The following ADAM28 variants were observed in gnomAD, a reference collection of about 807,000 sequenced individuals.
ADAM28 encodes disintegrin and metalloproteinase domain-containing protein 28.
Under a neutral mutation model 101.2 loss-of-function variants are expected in ADAM28, and 105 were observed. The ratio of observed to expected loss-of-function variants is 1.04; its 90% confidence interval spans 0.89 to 1.22. The LOEUF (loss-of-function observed/expected upper bound fraction) is 1.22, where lower values mean the gene tolerates loss of function less well. ADAM28 is among the 50% of genes most tolerant of loss of function. ADAM28 has a pLI of 0.00. For missense variants in ADAM28, 1,028 were observed against 945.4 expected (o/e 1.09, Z -1.15); for synonymous variants, 322 against 310.6 (o/e 1.04, Z -0.39).
At chr8:24,338,969 G>GT (rs1352842053) in intron 14 of ADAM28, among the ~76,000 whole-genome samples, 3 of 151,754 alleles carry the variant, frequency 2.0e-5, no homozygotes, top group Non-Finnish European at 4.4e-5. Flanking sequence ...TATATAATGT[G>GT]TATATATATA....
chr8:24,334,768 C>A (rs1306351213), intron 13 of ADAM28, among the ~76,000 whole-genome samples: 1 of 152,166 alleles, frequency 6.6e-6, no homozygotes, highest in Admixed American at 6.5e-5. Context: ...AACAAACAAA[C>A]ATACTTTCTC....
At chr8:24,336,251 AAG>A (rs1359311311) in intron 14 of ADAM28, 1 of 857,332 alleles carries the variant, frequency 1.2e-6, no homozygotes, top group Non-Finnish European at 1.4e-6. Flanking sequence ...TAAAAGTTTA[AAG>A]AGATATCCGA....
intron 6 of ADAM28, among the ~76,000 whole-genome samples, chr8:24,316,798 G>T (rs1462561568): frequency 1.3e-5 from 2 of 152,052 alleles, no homozygotes; most frequent in African/African-American, 2.4e-5. Context: ...CAGATGAAAT[G>T]ATTCTACCTG....
intron 15 of ADAM28, 64 bp downstream of exon 15, chr8:24,339,632 A>G (rs777452774): frequency 2.3e-5 from 31 of 1,348,634 alleles, no homozygotes; most frequent in Non-Finnish European, 3.2e-5. Flanking sequence ...TTCCAGCTAC[A>G]CATTCTGATT....
chr8:24,295,897 T>C (rs1363810399), intron 1 of ADAM28: 1 of 152,286 alleles, frequency 6.6e-6, no homozygotes, highest in East Asian at 1.9e-4. Context: ...TCCTGTTTGT[T>C]CTCTGCCCCC....
At chr8:24,308,583 G>A (rs41423147) in intron 2 of ADAM28, 71,998 of 455,626 alleles carry the variant, frequency 0.16, 6,219 homozygotes, top group East Asian at 0.33. Context: ...ATCCTGAACA[G>A]TAAGAGGTTA....
At chr8:24,320,749 TCTA>T (rs1216030467) in intron 7 of ADAM28, among the ~76,000 whole-genome samples, 1 of 152,012 alleles carries the variant, frequency 6.6e-6, no homozygotes, top group Non-Finnish European at 1.5e-5. Flanking sequence ...CTGTTTATCT[TCTA>T]CTGTAAGAAT....
In ADAM28 at chr8:24,309,874, ATGTT is replaced by A. The variant is rs777620886; in HGVS notation, c.151-16_151-13del. Reference sequence around the variant, plus strand: ...TGAATATGTTTTTAATTACAAGTAAATGTTTGTGTATTTTTGCAGGAACAATTTG... The same window carrying A: ...TGAATATGTTTTTAATTACAAGTAAATGTGTATTTTTGCAGGAACAATTTG... On this transcript the variant is annotated splice_polypyrimidine_tract_variant and intron_variant, in intron 2 of 22. Coordinates refer to ENST00000265769, the MANE Select transcript of ADAM28 (RefSeq NM_014265.6). 5.1e-5 allele frequency: 74 copies of A among 1,465,318 alleles called. No individual in the cohort carries two copies. In the African/African-American group the frequency reaches 5.6e-4, roughly 11 times the overall value. The allele number at this position is 1,465,318 out of a possible 1,614,324, so 90.8% of individuals were successfully genotyped here. A position where few individuals can be genotyped will look rare whatever the true frequency, so the allele number is the denominator to read the frequency against.
At chr8:24,325,403 A>T (rs1812407094) in intron 9 of ADAM28, among the ~76,000 whole-genome samples, 1 of 152,008 alleles carries the variant, frequency 6.6e-6, no homozygotes, top group South Asian at 2.1e-4. Context: ...ACCTATACTT[A>T]GGTATAAGTA....
In ADAM28 at chr8:24,323,442, T is replaced by C. The variant is rs146580094; in HGVS notation, c.721-392T>C. Among the ~76,000 whole-genome samples the C allele has an allele frequency of 3.3e-3, 509 of 152,078 alleles. 4 individuals are homozygous for C. The highest frequency in any genetic ancestry group is 0.018 in the Admixed American group (270 of 15,252). ...TGCCTAAACCAGCACCAAGCCAACT[T>C]TGCTAATTCTGAAATATTCTCACTC... On this transcript the variant is annotated intron_variant, in intron 8 of 22. Coordinates refer to ENST00000265769, the MANE Select transcript of ADAM28 (RefSeq NM_014265.6).
chr8:24,310,485 A>G (rs769888650), intron 4 of ADAM28: 1 of 360,718 alleles, frequency 2.8e-6, no homozygotes, highest in African/African-American at 2.1e-5. Context: ...GAGGGTGGGT[A>G]GAAGGAGCAT....
Position 24,354,398 on chromosome 8 carries a change from A to C in ADAM28, c.2322A>C (p.Lys774Asn). 6.2e-7 allele frequency: 1 copy of C among 1,603,074 alleles called. No individual in the cohort carries two copies. The highest frequency in any genetic ancestry group is 1.1e-5 in the South Asian group (1 of 89,022). The change falls in exon 23 of 23, where the codon AAA becomes AAC. Residue 774 changes from lysine (K) to asparagine (N), a missense_variant. Lys to Asn is a moderately conservative substitution (Grantham distance 94, BLOSUM62 0). Coordinates refer to ENST00000265769, the MANE Select transcript of ADAM28 (RefSeq NM_014265.6). ...PVSTPKDSNP[K>N]A is the part of the protein sequence containing the mutation. ...GTCTTTTTTAGGACTCAAATCCAAA[A>C]GCATGAAGCAACAGCTAAGCAAGAA...
chr8:24,352,906 A>G (rs1816338554), intron 21 of ADAM28, among the ~76,000 whole-genome samples: 1 of 151,366 alleles, frequency 6.6e-6, no homozygotes, highest in African/African-American at 2.5e-5. Context: ...TCCTGCACCT[A>G]TATCATCTTC....
At chr8:24,314,310 G>C (rs1034719604) in intron 6 of ADAM28, among the ~76,000 whole-genome samples, 1 of 152,040 alleles carries the variant, frequency 6.6e-6, no homozygotes, top group South Asian at 2.1e-4. Context: ...ACAGGTGCTG[G>C]GAAGATAGAA....
In ADAM28 at chr8:24,320,275, A is replaced by G. The variant is rs200839167; in HGVS notation, c.616A>G (p.Ile206Val). Residue 206 changes from isoleucine (I) to valine (V), a missense_variant, in exon 7 of 23, where the codon ATA (isoleucine) becomes GTA (valine). By Grantham distance (29) the Ile-to-Val change is conservative (BLOSUM62 3). Coordinates refer to ENST00000265769, the MANE Select transcript of ADAM28 (RefSeq NM_014265.6). ...GAAGGTTCAGGAACATGAGAAATAC[A>G]TAGAATATTATTTGGTCCTGGATAA... ...DRKVQEHEKYIEYYLVLDNGE... is the reference protein window; with the variant it reads ...DRKVQEHEKYVEYYLVLDNGE... The G allele has an allele frequency of 1.8e-4, 282 of 1,603,788 alleles. 1 individual carries two copies. Among genetic ancestry groups the G allele is most frequent in the Admixed American group, 1.8e-4 (11 of 59,510 alleles).
At position 24,313,380 on chromosome 8, in the gene ADAM28, T is replaced by A. The variant is rs1409802689; in HGVS notation, c.384-8T>A. The stretch of plus-strand genomic sequence containing the variant: ...TGTTAAGAAGCCAGAACTCTCATGT[T>A]TTTTCAGGGGCTACTTCAGTCAGGG... On this transcript the variant is annotated splice_region_variant and splice_polypyrimidine_tract_variant and intron_variant, in intron 5 of 22. Transcript: ENST00000265769. 5.0e-6 allele frequency: 8 copies of A among 1,600,172 alleles called. 1 individual carries two copies. The South Asian group carries it at 7.9e-5, about 16-fold the overall frequency.
intron 8 of ADAM28, among the ~76,000 whole-genome samples, chr8:24,323,145 G>A (rs184232107): frequency 6.3e-4 from 96 of 151,982 alleles, no homozygotes; most frequent in African/African-American, 2.3e-3. Flanking sequence ...CTGGCTTGGA[G>A]ACAGCTGCCT....
At chr8:24,331,663 C>A (rs1234997581) in intron 12 of ADAM28, among the ~76,000 whole-genome samples, 2 of 152,090 alleles carry the variant, frequency 1.3e-5, no homozygotes, top group Non-Finnish European at 2.9e-5. Context: ...TTAGACAGAG[C>A]ACTATGAGTG....
At chr8:24,296,407 A>G (rs983920367) in intron 1 of ADAM28, among the ~76,000 whole-genome samples, 2 of 152,250 alleles carry the variant, frequency 1.3e-5, no homozygotes, top group African/African-American at 4.8e-5. Context: ...ACATAAGTCA[A>G]TATCCTTGTG....
Sources: allele counts gnomAD v4.1 joint callset (sites outside exome capture counted in the v4.1 genomes callset), GRCh38; gene constraint gnomAD v4.1.1; transcripts MANE v1.5; gene names NCBI Gene and HGNC (gene_info 2026-07-23, HGNC 2026-07-21).